The following GOLM1 variants were observed in gnomAD, a reference collection of about 807,000 sequenced individuals.
The protein encoded by GOLM1 is golgi membrane protein 1, also known as epididymis luminal protein 46.
In GOLM1, 31 loss-of-function variants were observed where a neutral mutation model predicts 50.5. The observed-to-expected ratio is 0.61, with a 90% confidence interval of 0.46 to 0.83. The LOEUF is 0.83. GOLM1 is among the 40% of genes least tolerant of loss of function. GOLM1 has a pLI of 0.00. For missense variants in GOLM1, 491 were observed against 501.3 expected (o/e 0.98, Z 0.20); for synonymous variants, 178 against 192.8 (o/e 0.92, Z 0.64).
Position 86,027,350 on chromosome 9 carries a change from T to C in GOLM1, c.*467A>G. 3.0e-6 allele frequency: 3 copies of C among 988,406 alleles called. No individual in the cohort carries two copies. The South Asian group carries it at 1.4e-4, about 46-fold the overall frequency. The allele number at this position is 988,406 out of a possible 1,614,324, so 61.2% of individuals were successfully genotyped here. A position where few individuals can be genotyped will look rare whatever the true frequency, so the allele number is the denominator to read the frequency against. The stretch of plus-strand genomic sequence containing the variant: ...ATCAGAAGTGACTACACAAGAGCAT[T>C]AGCCAGACTTTTCAGTGAGAACAGG... On this transcript the variant is annotated 3_prime_UTR_variant, in exon 10 of 10. Transcript: ENST00000388712.
At chr9:86,072,267 C>T (rs1346490688) in intron 3 of GOLM1, among the ~76,000 whole-genome samples, 1 of 152,126 alleles carries the variant, frequency 6.6e-6, no homozygotes, top group African/African-American at 2.4e-5. Flanking sequence ...ATGTTTTTTG[C>T]TTTAAATAAT....
In GOLM1 at chr9:86,040,801, T is replaced by C. The variant is rs773222323; in HGVS notation, c.535A>G (p.Lys179Glu). The change falls in exon 6 of 10, where the codon AAA (lysine) becomes GAA (glutamate). Residue 179 changes from lysine to glutamate, a missense_variant. Lys to Glu is a moderately conservative substitution (Grantham distance 56). Coordinates refer to ENST00000388712, the MANE Select transcript of GOLM1 (RefSeq NM_016548.4). The part of the protein sequence containing the change: ...QCEERIEEVT[K>E]KGNEAVASRD... ...GAAGCTACAGCTTCATTCCCCTTTT[T>C]GGTGACCTCTTCTATTCGCTCCTCA... The C allele has an allele frequency of 5.0e-6, 8 of 1,613,806 alleles. No individual in the cohort carries two copies. Among genetic ancestry groups the C allele is most frequent in the African/African-American group, 1.3e-5 (1 of 74,944 alleles).
chr9:86,072,657 T>C (rs1193267549), intron 3 of GOLM1, among the ~76,000 whole-genome samples: 1 of 152,240 alleles, frequency 6.6e-6, no homozygotes, highest in Non-Finnish European at 1.5e-5. Context: ...AATTACTTTG[T>C]AACAGCTCTA....
intron 3 of GOLM1, among the ~76,000 whole-genome samples, chr9:86,058,276 A>G (rs1834047729): frequency 6.6e-6 from 1 of 152,246 alleles, no homozygotes; most frequent in South Asian, 2.1e-4. Context: ...AGGTTGGGCA[A>G]AAGATTTGCA....
intron 4 of GOLM1, among the ~76,000 whole-genome samples, chr9:86,049,329 G>C (rs1833661198): frequency 6.6e-6 from 1 of 152,246 alleles, no homozygotes; most frequent in South Asian, 2.1e-4. Context: ...TGTTCTTTTG[G>C]CTTAGGATTG....
In GOLM1 at chr9:86,046,456, T is replaced by G. The variant is rs1174444930; in HGVS notation, c.467+14A>C. The G allele has an allele frequency of 4.6e-6, 7 of 1,513,968 alleles. No individual in the cohort carries two copies. Among genetic ancestry groups the G allele is most frequent in the Non-Finnish European group, 6.4e-6 (7 of 1,088,794 alleles). 93.8% of individuals were successfully genotyped at this position (1,513,968 alleles called of 1,614,324 possible). On this transcript the variant is annotated intron_variant, in intron 5 of 9. Transcript: ENST00000388712. ...GCACCCTGCACTGTGGCACGCGCTC[T>G]GAGGTGTACTCACAGGTCGTAGGAG...
rs71505775 is a variant in GOLM1, at chr9:86,088,420, GTATATATATATA to G, written c.-21-9091_-21-9080del. On this transcript the variant is annotated intron_variant, in intron 1 of 9. Coordinates refer to ENST00000388712, the MANE Select transcript of GOLM1 (RefSeq NM_016548.4). ...TGGATTCGTTGTTTTTTTGAAGGGT[GTATATATATATA>G]TATATATATATATATATATATATAT... 6.4e-3 allele frequency among the ~76,000 whole-genome samples: 548 copies of G among 86,296 alleles called. 19 individuals carry two copies. The highest frequency in any genetic ancestry group is 0.013 in the African/African-American group (232 of 17,416). The allele number at this position is 86,296 out of a possible 152,430, so 56.6% of individuals were successfully genotyped here. A position where few individuals can be genotyped will look rare whatever the true frequency, so the allele number is the denominator to read the frequency against.
At chr9:86,033,461 G>A (rs1833043325) in intron 8 of GOLM1, 66 bp from the exon 9 acceptor site, 2 of 972,822 alleles carry the variant, frequency 2.1e-6, no homozygotes, top group Non-Finnish European at 3.3e-6. Flanking sequence ...GACTATCAGA[G>A]CACAAGTGCT....
chr9:86,088,387 C>A (rs556468690), intron 1 of GOLM1, among the ~76,000 whole-genome samples: 19 of 132,380 alleles, frequency 1.4e-4, no homozygotes, highest in East Asian at 4.7e-4. Context: ...TTTCAAAAAA[C>A]CAGCTCCTGG....
In GOLM1 at chr9:86,079,300, C is replaced by A. The variant is rs150427559; in HGVS notation, c.21G>T (p.Gly7=). MMGLGN[G]RRSMKSPPLV... is the part of the protein sequence containing the mutation. ...GGGGCGGCGACTTCATGCTGCGACG[C>A]CCGTTTCCCAAGCCCATCATCTCAA... The change falls in exon 2 of 10, where the codon GGG becomes GGT. Residue 7 remains glycine, a synonymous_variant. Transcript: ENST00000388712. The A allele has an allele frequency of 3.5e-4, 567 of 1,597,920 alleles. 3 individuals are homozygous for A. The African/African-American group carries it at 7.1e-3, about 20-fold the overall frequency.
intron 4 of GOLM1, among the ~76,000 whole-genome samples, chr9:86,048,317 A>G (rs1180786608): frequency 6.8e-6 from 1 of 146,504 alleles, no homozygotes; most frequent in African/African-American, 2.7e-5. Flanking sequence ...TATTGTGAAT[A>G]GTGCCACAAT....
intron 3 of GOLM1, among the ~76,000 whole-genome samples, chr9:86,053,058 C>T (rs1017888925): frequency 6.8e-6 from 1 of 147,106 alleles, no homozygotes; most frequent in African/African-American, 2.5e-5. Flanking sequence ...CACCACCAGA[C>T]CACACCACAC....
intron 4 of GOLM1, among the ~76,000 whole-genome samples, chr9:86,046,941 C>G (rs931215027): frequency 7.0e-6 from 1 of 142,692 alleles, no homozygotes; most frequent in Non-Finnish European, 1.5e-5. Flanking sequence ...CACCACCCTG[C>G]CCTCATCCCT....
chr9:86,083,676 C>A (rs1928227), intron 1 of GOLM1, among the ~76,000 whole-genome samples: 36,768 of 152,224 alleles, frequency 0.24, 7,546 homozygotes, highest in African/African-American at 0.54. Context: ...GCATGAGCCA[C>A]CATGCCCAGC....
rs1832827989 is a variant in GOLM1 at position 86,027,677 on chromosome 9, G to A, written c.*140C>T. The A allele has an allele frequency of 2.8e-5, 40 of 1,419,792 alleles. No homozygotes were observed. Among genetic ancestry groups the A allele is most frequent in the Non-Finnish European group, 3.4e-5 (37 of 1,087,884 alleles). 87.9% of individuals were successfully genotyped at this position (1,419,792 alleles called of 1,614,324 possible). On this transcript the variant is annotated 3_prime_UTR_variant, in exon 10 of 10. Coordinates refer to ENST00000388712, the MANE Select transcript of GOLM1 (RefSeq NM_016548.4). ...CATTCCATTTTTTCCTACACAAAGT[G>A]CATACTAAAATTTCACAATAATCAT...
intron 1 of GOLM1, among the ~76,000 whole-genome samples, chr9:86,088,405 G>A (rs1201569133): frequency 1.1e-5 from 1 of 91,988 alleles, no homozygotes; most frequent in African/African-American, 5.0e-5. Context: ...TGGATTCGTT[G>A]TTTTTTTGAA....
chr9:86,091,451 G>A (rs895397386), intron 1 of GOLM1, among the ~76,000 whole-genome samples: 2 of 151,904 alleles, frequency 1.3e-5, no homozygotes, highest in African/African-American at 4.8e-5. Flanking sequence ...AAAGAATGCA[G>A]CTTTTTTTTT....
chr9:86,035,460 A>C lies in GOLM1; in HGVS notation c.923T>G (p.Val308Gly). 2 of 1,613,726 alleles carry C rather than the reference A, an allele frequency of 1.2e-6. No individual in the cohort carries two copies. Among genetic ancestry groups the C allele is most frequent in the Non-Finnish European group, 1.7e-6 (2 of 1,179,944 alleles). The change falls in exon 8 of 10, where the codon GTG becomes GGG. Residue 308 changes from valine (V) to glycine (G), a missense_variant. Transcript: ENST00000388712. ...QTPQVQAALS[V>G]SQENPEMEGP... ...CTCCATCTCTGGATTTTCCTGGCTC[A>C]CTGACAGGGCAGCCTGCACCTGTGG...
chr9:86,098,732 T>TA (rs1835428349), intron 1 of GOLM1, among the ~76,000 whole-genome samples: 1 of 152,282 alleles, frequency 6.6e-6, no homozygotes, highest in Non-Finnish European at 1.5e-5. Flanking sequence ...ATATGATTTT[T>TA]ACAGCAGGGC....
Sources: allele counts gnomAD v4.1 joint callset (sites outside exome capture counted in the v4.1 genomes callset), GRCh38; gene constraint gnomAD v4.1.1; transcripts MANE v1.5; gene names NCBI Gene and HGNC (gene_info 2026-07-23, HGNC 2026-07-21).